The following ADAMTS20 variants were observed in gnomAD, a reference collection of about 807,000 sequenced individuals.
ADAMTS20 encodes the protein A disintegrin and metalloproteinase with thrombospondin motifs 20.
In ADAMTS20, 225 loss-of-function variants were observed where a neutral mutation model predicts 260.1. That is an observed-to-expected ratio of 0.87 (90% CI 0.78 to 0.97). The LOEUF is 0.97. ADAMTS20 is among the 50% of genes least tolerant of loss of function. The pLI, the probability that ADAMTS20 is intolerant of heterozygous loss-of-function variation, is 0.00. For synonymous variants in ADAMTS20, 802 were observed against 769.5 expected (o/e 1.04, Z -0.70); for missense variants, 2,400 against 2,337.7 (o/e 1.03, Z -0.55).
At chr12:43,471,721 G>A (rs1157998037) in intron 7 of ADAMTS20, among the ~76,000 whole-genome samples, 6,442 of 75,682 alleles carry the variant, frequency 0.085, no homozygotes, top group South Asian at 0.12. Flanking sequence ...CCCCAGCAGG[G>A]GCACACTGAC....
intron 16 of ADAMTS20, among the ~76,000 whole-genome samples, chr12:43,440,679 G>A (rs1941645728): frequency 6.6e-6 from 1 of 152,178 alleles, no homozygotes; most frequent in African/African-American, 2.4e-5. Context: ...TGGGAAAGCA[G>A]AAAGAAGTCA....
At position 43,462,977 on chromosome 12, in the gene ADAMTS20, C is replaced by T; in HGVS notation, c.1532G>A (p.Cys511Tyr). ...PHINICMHLW[C>Y]TSTEKLHKGC... Reference sequence around the variant, plus strand: ...TTTGTGAAGCTTTTCTGTGCTTGTGCACCACAGATGCATGCATATATTCTC... The same window carrying T: ...TTTGTGAAGCTTTTCTGTGCTTGTGTACCACAGATGCATGCATATATTCTC... The change falls in exon 11 of 39, where the codon TGC (cysteine) becomes TAC (tyrosine). Residue 511 changes from cysteine to tyrosine, a missense_variant. Physicochemically the swap from Cys to Tyr is radical, Grantham distance 194. Coordinates refer to ENST00000389420, the MANE Select transcript of ADAMTS20 (RefSeq NM_025003.5). 6.2e-7 allele frequency: 1 copy of T among 1,606,024 alleles called. No individual in the cohort carries two copies. Among genetic ancestry groups the T allele is most frequent in the Non-Finnish European group, 8.5e-7 (1 of 1,175,874 alleles).
At chr12:43,537,176 C>A (rs1412454672) in intron 2 of ADAMTS20, among the ~76,000 whole-genome samples, 1 of 151,910 alleles carries the variant, frequency 6.6e-6, no homozygotes, top group Non-Finnish European at 1.5e-5. Flanking sequence ...CTCAAGCAAT[C>A]CCCCCACCTC....
intron 37 of ADAMTS20, among the ~76,000 whole-genome samples, chr12:43,357,132 T>A (rs899170318): frequency 3.5e-4 from 54 of 152,322 alleles, no homozygotes; most frequent in Admixed American, 2.6e-3. Context: ...TATGTCAAAA[T>A]ACTTCAGACT....
Position 43,392,532 on chromosome 12 carries a change from T to G in ADAMTS20, c.4452+6534A>C, listed in dbSNP as rs372043490. ...GGACTACTACTTGGAAGAAAAAAAGTAACTTGTTTTTCAGTTTTTAGGAAT... is the reference window on the plus strand; with the variant it reads ...GGACTACTACTTGGAAGAAAAAAAGGAACTTGTTTTTCAGTTTTTAGGAAT... On this transcript the variant is annotated intron_variant, in intron 29 of 38. Transcript: ENST00000389420. 1.8e-4 allele frequency among the ~76,000 whole-genome samples: 27 copies of G among 152,222 alleles called. 1 individual carries two copies. The East Asian group carries it at 4.4e-3, about 25-fold the overall frequency.
At chr12:43,377,854 A>G (rs1485711705) in intron 31 of ADAMTS20, among the ~76,000 whole-genome samples, 1 of 152,080 alleles carries the variant, frequency 6.6e-6, no homozygotes, top group East Asian at 1.9e-4. Flanking sequence ...GTATGAAACT[A>G]TATCTCCCAA....
intron 2 of ADAMTS20, among the ~76,000 whole-genome samples, chr12:43,539,923 G>A (rs1001559318): frequency 4.8e-5 from 7 of 146,674 alleles, no homozygotes; most frequent in Non-Finnish European, 8.9e-5. Context: ...TCACTCTATC[G>A]CCAGGCTGGA....
intron 29 of ADAMTS20, among the ~76,000 whole-genome samples, chr12:43,396,863 C>T (rs954487457): frequency 4.6e-5 from 7 of 152,048 alleles, no homozygotes; most frequent in African/African-American, 7.2e-5. Flanking sequence ...GCAGCTGCAC[C>T]GCAGCAAAAG....
In ADAMTS20 at chr12:43,492,618, G is replaced by T; in HGVS notation, c.963C>A (p.Val321=). ...VMIHREEEGP[V]INFDGATTLK... is the part of the protein sequence containing the mutation. ...ATGTGGTAGCACCATCAAAATTAAT[G>T]ACTGGTCCTTCCTATGCAAAATAAG... The change falls in exon 6 of 39, where the codon GTC becomes GTA. Residue 321 remains valine (V), a synonymous_variant. Transcript: ENST00000389420. 1 of 1,613,682 alleles carries T rather than the reference G, an allele frequency of 6.2e-7. No individual in the cohort carries two copies. The highest frequency in any genetic ancestry group is 1.1e-5 in the South Asian group (1 of 91,040).
chr12:43,484,167 T>TA (rs1381465826), intron 7 of ADAMTS20, among the ~76,000 whole-genome samples: 1 of 152,082 alleles, frequency 6.6e-6, no homozygotes, highest in South Asian at 2.1e-4. Context: ...ATGAAATTCT[T>TA]AAAAAAACCC....
intron 29 of ADAMTS20, among the ~76,000 whole-genome samples, chr12:43,396,694 A>G (rs1940711438): frequency 6.6e-6 from 1 of 152,176 alleles, no homozygotes; most frequent in East Asian, 1.9e-4. Context: ...TGTATTTTTG[A>G]AGCCCCAGAA....
chr12:43,535,244 C>A (rs953428382), intron 2 of ADAMTS20, among the ~76,000 whole-genome samples: 16 of 152,138 alleles, frequency 1.1e-4, no homozygotes, highest in African/African-American at 3.9e-4. Context: ...AAGAGACTAT[C>A]TGAGATCTAG....
chr12:43,475,597 T>G (rs1447836513), intron 7 of ADAMTS20, among the ~76,000 whole-genome samples: 1 of 152,062 alleles, frequency 6.6e-6, no homozygotes, highest in Non-Finnish European at 1.5e-5. Flanking sequence ...CAAACCATAC[T>G]ACAAGGCTAC....
chr12:43,439,455 T>C (rs1274566669), intron 18 of ADAMTS20, among the ~76,000 whole-genome samples, 167 bp downstream of exon 18: 6 of 152,048 alleles, frequency 3.9e-5, no homozygotes. Flanking sequence ...ACAGAAAGAA[T>C]TAGTGAAAAA....
At chr12:43,470,016 T>TA (rs1340434855) in intron 7 of ADAMTS20, among the ~76,000 whole-genome samples, 2 of 152,148 alleles carry the variant, frequency 1.3e-5, no homozygotes, top group Non-Finnish European at 2.9e-5. Context: ...CAAGGAAGAC[T>TA]AAAATCAAGC....
chr12:43,459,154 AGCTTTCACTTGCCGCCTACCACT>A (rs2137366593), intron 11 of ADAMTS20, among the ~76,000 whole-genome samples: 1 of 152,272 alleles, frequency 6.6e-6, no homozygotes, highest in African/African-American at 2.4e-5. Flanking sequence ...GCTGGAGCTG[AGCTTTCACTTGCCGCCTACCACT>A]GCTGTTTGCT....
In ADAMTS20 at chr12:43,434,365, T is replaced by C. The variant is rs748837042; in HGVS notation, c.2600A>G (p.Gln867Arg). Residue 867 changes from glutamine to arginine, a missense_variant, in exon 19 of 39, where the codon CAG becomes CGG. By Grantham distance (43) the Gln-to-Arg change is conservative. Transcript: ENST00000389420. ...ATGTATGCAAGTTATGTTTCTTCGC[T>C]GAAGACCTTGGCCAAAGTCAAATGA... is the stretch of plus-strand genomic sequence containing the variant. ...EGCTKMCQGL[Q>R]RRNITCIHKS... is the part of the protein sequence containing the mutation. The C allele has an allele frequency of 7.0e-6, 11 of 1,580,052 alleles. No homozygotes were observed. In the South Asian group the frequency reaches 1.3e-4, roughly 19 times the overall value.
rs1391546461 is a variant in ADAMTS20 at position 43,369,331 on chromosome 12, C to A, written c.5497G>T (p.Ala1833Ser). The A allele has an allele frequency of 3.2e-6, 5 of 1,559,824 alleles. No individual in the cohort carries two copies. The highest frequency in any genetic ancestry group is 4.3e-6 in the Non-Finnish European group (5 of 1,154,122). ...GCACTGTAGCAATCTCCAGCTGTGG[C>A]AAATGGAACTGCATTTCCAAATATT... is the stretch of plus-strand genomic sequence containing the variant. ...KTIFGNAVPFATAGDCYSAFR... is the reference protein window; with the variant it reads ...KTIFGNAVPFSTAGDCYSAFR... Residue 1833 changes from alanine to serine, a missense_variant, in exon 37 of 39, where the codon GCC becomes TCC. Physicochemically the swap from Ala to Ser is moderately conservative, Grantham distance 99 (BLOSUM62 1). Coordinates refer to ENST00000389420, the MANE Select transcript of ADAMTS20 (RefSeq NM_025003.5).
chr12:43,525,314 C>T (rs1275078905), intron 3 of ADAMTS20, among the ~76,000 whole-genome samples: 1 of 152,164 alleles, frequency 6.6e-6, no homozygotes, highest in East Asian at 1.9e-4. Flanking sequence ...AAATCATTTT[C>T]AGACAAACAA....
Sources: allele counts gnomAD v4.1 joint callset (sites outside exome capture counted in the v4.1 genomes callset), GRCh38; gene constraint gnomAD v4.1.1; transcripts MANE v1.5; gene names NCBI Gene and HGNC (gene_info 2026-07-23, HGNC 2026-07-21).